Variants in FTO observed in about 807,000 individuals in gnomAD.
FTO encodes FTO alpha-ketoglutarate dependent dioxygenase, also known as alpha-ketoglutarate-dependent dioxygenase FTO.
In FTO, 47 loss-of-function variants were observed where a neutral mutation model predicts 63.9. The observed-to-expected ratio is 0.74, with a 90% CI of 0.58 to 0.94. The LOEUF (loss-of-function observed/expected upper bound fraction) is 0.94, where lower values mean the gene tolerates loss of function less well. Ranked by LOEUF, FTO falls within the 40% of genes least tolerant of loss-of-function variation. FTO has a pLI of 0.00. For missense variants in FTO, 562 were observed against 618.1 expected (o/e 0.91, Z 0.96); for synonymous variants, 207 against 224.4 (o/e 0.92, Z 0.69).
chr16:53,965,375 G>A (rs948653529), intron 8 of FTO, among the ~76,000 whole-genome samples: 1 of 152,096 alleles, frequency 6.6e-6, no homozygotes, highest in Non-Finnish European at 1.5e-5. Flanking sequence ...GTCCCATCAT[G>A]TTAGCTCCAT....
chr16:53,870,850 T>A (rs188876162), intron 4 of FTO, among the ~76,000 whole-genome samples: 2 of 152,348 alleles, frequency 1.3e-5, no homozygotes, highest in African/African-American at 4.8e-5. Context: ...ACTATTCTTA[T>A]AGTGTAAATC....
At chr16:54,032,381 A>G (rs535652625) in intron 8 of FTO, among the ~76,000 whole-genome samples, 2 of 152,288 alleles carry the variant, frequency 1.3e-5, no homozygotes, top group South Asian at 4.1e-4. Flanking sequence ...TCCAAAACCA[A>G]TTTGAGTATG....
In FTO at chr16:53,792,075, C is replaced by CA. The variant is rs10606857; in HGVS notation, c.46-18047dup. Among the ~76,000 whole-genome samples, 202 of 138,612 alleles carry CA rather than the reference C, an allele frequency of 1.5e-3. 2 individuals are homozygous for CA. Among genetic ancestry groups the CA allele is most frequent in the East Asian group, 8.2e-3 (39 of 4,744 alleles). 90.9% of individuals were successfully genotyped at this position (138,612 alleles called of 152,430 possible). ...TGGGCCACAGAGCGAGACTTCGTCTCAAAAAAAAAAAAAAAAAATAAAAAT... is the reference window on the plus strand; with the variant it reads ...TGGGCCACAGAGCGAGACTTCGTCTCAAAAAAAAAAAAAAAAAAATAAAAAT... On this transcript the variant is annotated intron_variant, in intron 1 of 8. Coordinates refer to ENST00000471389, the MANE Select transcript of FTO (RefSeq NM_001080432.3).
chr16:54,095,034 T>C (rs1450853900), intron 8 of FTO, among the ~76,000 whole-genome samples: 1 of 152,128 alleles, frequency 6.6e-6, no homozygotes, highest in African/African-American at 2.4e-5. Flanking sequence ...CAGCCACAGT[T>C]GCCCCCTTGC....
At chr16:53,919,552 T>C (rs1024935275) in intron 7 of FTO, among the ~76,000 whole-genome samples, 2 of 152,178 alleles carry the variant, frequency 1.3e-5, no homozygotes, top group African/African-American at 2.4e-5. Context: ...CAATTTACAA[T>C]TGCAGCAATA....
intron 1 of FTO, among the ~76,000 whole-genome samples, chr16:53,776,482 T>C (rs368994597): frequency 6.6e-6 from 1 of 152,196 alleles, no homozygotes; most frequent in South Asian, 2.1e-4. Flanking sequence ...ATTTTTTGGC[T>C]TCAGAACCCT....
In FTO at chr16:53,879,844, T is replaced by C. The variant is rs779204175; in HGVS notation, c.976T>C (p.Cys326Arg). The C allele has an allele frequency of 1.2e-6, 2 of 1,614,024 alleles. No homozygotes were observed. The highest frequency in any genetic ancestry group is 3.3e-5 in the Admixed American group (2 of 60,020). Residue 326 changes from cysteine (C) to arginine (R), a missense_variant and splice_region_variant, in exon 6 of 9, where the codon TGC (cysteine) becomes CGC (arginine). Physicochemically the swap from Cys to Arg is radical, Grantham distance 180. Coordinates refer to ENST00000471389, the MANE Select transcript of FTO (RefSeq NM_001080432.3). The part of the protein sequence containing the change: ...RFSSTHRVAE[C>R]STGTLDYILQ... ...GTGATTGCTGGTTCTGTCTCAACAG[T>C]GCTCAACAGGAACCTTGGATTATAT...
rs533517303 is a variant in FTO, at chr16:53,863,128, G to A, written c.896-10658G>A. Reference sequence around the variant, plus strand: ...TGTTTCAGCTTCATGTCTGCTTACCGTATTTTCACAGATGCAGTGCCTTCT... The same window carrying A: ...TGTTTCAGCTTCATGTCTGCTTACCATATTTTCACAGATGCAGTGCCTTCT... On this transcript the variant is annotated intron_variant, in intron 4 of 8. Coordinates refer to ENST00000471389, the MANE Select transcript of FTO (RefSeq NM_001080432.3). 5.3e-5 allele frequency among the ~76,000 whole-genome samples: 8 copies of A among 152,270 alleles called. 1 individual carries two copies. The highest frequency in any genetic ancestry group is 1.9e-4 in the African/African-American group (8 of 41,566).
At chr16:53,759,113 G>A (rs912601825) in intron 1 of FTO, among the ~76,000 whole-genome samples, 18 of 152,002 alleles carry the variant, frequency 1.2e-4, no homozygotes, top group African/African-American at 4.3e-4. Context: ...ATTATTATTT[G>A]TACTTTTGTG....
chr16:53,882,020 G>C (rs1019205375), intron 6 of FTO, among the ~76,000 whole-genome samples: 2 of 152,050 alleles, frequency 1.3e-5, no homozygotes, highest in Non-Finnish European at 2.9e-5. Flanking sequence ...ATAATTATTG[G>C]ATTCTGCACT....
intron 1 of FTO, among the ~76,000 whole-genome samples, chr16:53,798,444 C>T (rs913015650): frequency 1.2e-4 from 19 of 152,102 alleles, no homozygotes; most frequent in African/African-American, 1.9e-4. Context: ...TGTTTAATTT[C>T]GGTAGTGTTT....
intron 1 of FTO, among the ~76,000 whole-genome samples, chr16:53,751,056 T>G (rs2076777158): frequency 6.6e-6 from 1 of 152,198 alleles, no homozygotes; most frequent in Non-Finnish European, 1.5e-5. Context: ...AACAGATGTG[T>G]CCAATCTTTT....
At chr16:53,970,459 G>A (rs1340628992) in intron 8 of FTO, among the ~76,000 whole-genome samples, 1 of 151,856 alleles carries the variant, frequency 6.6e-6, no homozygotes, top group Non-Finnish European at 1.5e-5. Context: ...TTGTGGTGGT[G>A]GGCGCCTATA....
chr16:53,843,360 C>T (rs1033205952), intron 3 of FTO, among the ~76,000 whole-genome samples: 2 of 152,156 alleles, frequency 1.3e-5, no homozygotes, highest in East Asian at 1.9e-4. Context: ...CTCTTACTAA[C>T]ACTGTGTTGT....
intron 8 of FTO, among the ~76,000 whole-genome samples, chr16:54,090,143 A>C (rs1188242650): frequency 6.6e-6 from 1 of 152,254 alleles, no homozygotes; most frequent in Non-Finnish European, 1.5e-5. Context: ...ATATCCATCA[A>C]CAGAGGAATG....
At chr16:54,082,422 G>A (rs2086171893) in intron 8 of FTO, among the ~76,000 whole-genome samples, 1 of 152,200 alleles carries the variant, frequency 6.6e-6, no homozygotes, top group South Asian at 2.1e-4. Context: ...TGCAGCCTGG[G>A]GCTTGGGGTG....
chr16:53,843,829 T>TTTAA (rs10629683), intron 3 of FTO, among the ~76,000 whole-genome samples: 8 of 151,538 alleles, frequency 5.3e-5, no homozygotes, highest in South Asian at 4.2e-4. Flanking sequence ...TTTTTTTTTT[T>TTTAA]AATAGAGATG....
rs1422618485 is a variant in FTO, at chr16:53,750,711, A to G, written c.45+46482A>G. On this transcript the variant is annotated intron_variant, in intron 1 of 8. Coordinates refer to ENST00000471389, the MANE Select transcript of FTO (RefSeq NM_001080432.3). ...TTACCATCTCTACAAACTATTATCA[A>G]AAAGGATCACACTTAACCAAAATGT... 2.6e-5 allele frequency among the ~76,000 whole-genome samples: 4 copies of G among 152,146 alleles called. No individual in the cohort carries two copies. The East Asian group carries it at 5.8e-4, about 22-fold the overall frequency.
intron 1 of FTO, among the ~76,000 whole-genome samples, chr16:53,766,636 C>T (rs1206470655): frequency 6.6e-6 from 1 of 152,086 alleles, no homozygotes; most frequent in Non-Finnish European, 1.5e-5. Flanking sequence ...CTGTTCAGCA[C>T]CCAAGGGACC....
Sources: gnomAD v4.1 joint callset for allele counts (sites outside exome capture counted in the v4.1 genomes callset) on GRCh38, gnomAD v4.1.1 for gene constraint, MANE v1.5 for transcripts, NCBI Gene and HGNC (gene_info 2026-07-23, HGNC 2026-07-21) for gene names.